FZD6: variants seen among roughly 807,000 people sequenced by gnomAD.
FZD6 encodes the protein frizzled-6.
Under a neutral mutation model 61.4 loss-of-function variants are expected in FZD6, and 49 were observed. The observed-to-expected ratio is 0.80, with a 90% CI of 0.63 to 1.01. FZD6 has a LOEUF of 1.01. Among genes scored for constraint, FZD6 ranks in the 50% least tolerant of loss-of-function variants. The pLI is 0.00. For missense variants in FZD6, 724 were observed against 848.2 expected (o/e 0.85, Z 1.82); for synonymous variants, 265 against 292.2 (o/e 0.91, Z 0.95).
At position 103,325,382 on chromosome 8, in the gene FZD6, G is replaced by A. The variant is rs1422261267; in HGVS notation, c.1276G>A (p.Val426Met). Residue 426 changes from valine (V) to methionine (M), a missense_variant, in exon 4 of 7, where the codon GTG becomes ATG. Transcript: ENST00000358755. Reference sequence around the variant, plus strand: ...TGGAGTCTTCAGCGGCTTGTATCTTGTGCCATTAGTGACACTTCTCGGATG... The same window carrying A: ...TGGAGTCTTCAGCGGCTTGTATCTTATGCCATTAGTGACACTTCTCGGATG... ...RIGVFSGLYL[V>M]PLVTLLGCYV... The A allele has an allele frequency of 6.2e-7, 1 of 1,613,714 alleles. No individual in the cohort carries two copies. The highest frequency in any genetic ancestry group is 8.5e-7 in the Non-Finnish European group (1 of 1,179,762).
intron 4 of FZD6, among the ~76,000 whole-genome samples, chr8:103,327,799 C>T (rs865787368): frequency 1.3e-5 from 2 of 151,850 alleles, no homozygotes; most frequent in Admixed American, 1.3e-4. Flanking sequence ...AGGAAATTTT[C>T]GCATTTTACT....
intron 2 of FZD6, among the ~76,000 whole-genome samples, chr8:103,315,301 G>A (rs907038184): frequency 2.6e-5 from 4 of 152,142 alleles, no homozygotes; most frequent in South Asian, 2.1e-4. Flanking sequence ...TCACTTCTAC[G>A]TAGCTTTATT....
chr8:103,310,481 T>A (rs1200763098), intron 2 of FZD6, among the ~76,000 whole-genome samples: 1 of 152,072 alleles, frequency 6.6e-6, no homozygotes, highest in African/African-American at 2.4e-5. Context: ...CCCCGGCTGG[T>A]CTCGACCTCC....
At chr8:103,331,312 T>G in intron 6 of FZD6, 29 bp from the exon 7 acceptor site, 1 of 1,523,096 alleles carries the variant, frequency 6.6e-7, no homozygotes, top group Non-Finnish European at 9.1e-7. Context: ...TGTGGATGTG[T>G]GTGTGTCAAC....
At chr8:103,310,956 T>C (rs1814481661) in intron 2 of FZD6, among the ~76,000 whole-genome samples, 1 of 152,196 alleles carries the variant, frequency 6.6e-6, no homozygotes, top group South Asian at 2.1e-4. Context: ...CCATTCTTTA[T>C]GTTTTTTTTC....
At chr8:103,321,929 C>T (rs1008758335) in intron 3 of FZD6, among the ~76,000 whole-genome samples, 5 of 152,098 alleles carry the variant, frequency 3.3e-5, no homozygotes, top group Non-Finnish European at 5.9e-5. Context: ...TACTTCTTTC[C>T]TTACACTCAT....
chr8:103,310,646 G>C (rs1814470050), intron 2 of FZD6, among the ~76,000 whole-genome samples: 1 of 152,122 alleles, frequency 6.6e-6, no homozygotes, highest in Non-Finnish European at 1.5e-5. Context: ...AGTACCATTA[G>C]AAGTCCTCAC....
intron 1 of FZD6, among the ~76,000 whole-genome samples, chr8:103,299,624 C>A (rs1052435328): frequency 6.6e-6 from 1 of 152,192 alleles, no homozygotes; most frequent in Non-Finnish European, 1.5e-5. Flanking sequence ...CCAACAGGGG[C>A]CCTTAGATTG....
At chr8:103,322,526 T>A (rs1450757440) in intron 3 of FZD6, among the ~76,000 whole-genome samples, 1 of 152,236 alleles carries the variant, frequency 6.6e-6, no homozygotes, top group African/African-American at 2.4e-5. Context: ...AGTAAGATTT[T>A]AAGCACAATT....
chr8:103,311,681 T>TAAA (rs34828148), intron 2 of FZD6, among the ~76,000 whole-genome samples: 1,647 of 124,440 alleles, frequency 0.013, 22 homozygotes, highest in Non-Finnish European at 0.022. Flanking sequence ...ACCTGTCTCT[T>TAAA]AAAAAAAAAA....
At chr8:103,318,866 T>A in intron 3 of FZD6, 80 bp downstream of exon 3, 5 of 809,454 alleles carry the variant, frequency 6.2e-6, no homozygotes, top group Middle Eastern at 2.6e-4. Flanking sequence ...GTGAGAAGCT[T>A]TCATTATTTA....
intron 3 of FZD6, among the ~76,000 whole-genome samples, chr8:103,322,883 A>G (rs1487511121): frequency 6.6e-6 from 1 of 152,238 alleles, no homozygotes; most frequent in Non-Finnish European, 1.5e-5. Flanking sequence ...TATTGATTGT[A>G]GATTATTCCT....
chr8:103,319,646 T>C (rs888471714), intron 3 of FZD6, among the ~76,000 whole-genome samples: 2 of 152,348 alleles, frequency 1.3e-5, no homozygotes, highest in East Asian at 3.9e-4. Context: ...GTTATACCTT[T>C]TCCACATGCA....
At chr8:103,322,964 A>G in intron 3 of FZD6, among the ~76,000 whole-genome samples, 1 of 152,208 alleles carries the variant, frequency 6.6e-6, no homozygotes, top group East Asian at 1.9e-4. Flanking sequence ...ATGTACTTAC[A>G]CACTGGAATA....
At chr8:103,308,099 A>G (rs1046451512) in intron 2 of FZD6, among the ~76,000 whole-genome samples, 4 of 152,160 alleles carry the variant, frequency 2.6e-5, no homozygotes, top group East Asian at 1.9e-4. Flanking sequence ...AGTCTATGCT[A>G]TTGGATCTGG....
At chr8:103,304,518 T>G (rs954640755) in intron 2 of FZD6, among the ~76,000 whole-genome samples, 2 of 152,200 alleles carry the variant, frequency 1.3e-5, no homozygotes, top group African/African-American at 4.8e-5. Flanking sequence ...TTTAGAAGTT[T>G]GGATTGCAAA....
chr8:103,309,198 T>C (rs1306423896), intron 2 of FZD6, among the ~76,000 whole-genome samples: 1 of 152,186 alleles, frequency 6.6e-6, no homozygotes, highest in Admixed American at 6.5e-5. Flanking sequence ...ATCTAACAAG[T>C]TCCTAGGGGA....
intron 6 of FZD6, among the ~76,000 whole-genome samples, chr8:103,331,022 A>G (rs528432586): frequency 5.9e-5 from 9 of 152,214 alleles, no homozygotes; most frequent in African/African-American, 2.2e-4. Flanking sequence ...CTGAAAATAC[A>G]AAAAATTAGC....
rs1229287539 is a variant in FZD6 at position 103,331,383 on chromosome 8, G to A, written c.1995G>A (p.Gln665=). 6.2e-7 allele frequency: 1 copy of A among 1,612,914 alleles called. No homozygotes were observed. Among genetic ancestry groups the A allele is most frequent in the Non-Finnish European group, 8.5e-7 (1 of 1,178,924 alleles). ...KSDITDTGLA[Q]SNNLQVPSSS... The stretch of plus-strand genomic sequence containing the variant: ...ATATTACTGACACTGGCCTGGCACA[G>A]AGCAACAATTTGCAGGTCCCCAGTT... The change falls in exon 7 of 7, where the codon CAG becomes CAA. Residue 665 remains glutamine (Q), a synonymous_variant. Transcript: ENST00000358755.
Sources: gnomAD v4.1 joint callset for allele counts (sites outside exome capture counted in the v4.1 genomes callset) on GRCh38, gnomAD v4.1.1 for gene constraint, MANE v1.5 for transcripts, NCBI Gene and HGNC (gene_info 2026-07-23, HGNC 2026-07-21) for gene names.